The following TPCN1 variants were observed in gnomAD, a reference collection of about 807,000 sequenced individuals.
The protein encoded by TPCN1 is two pore segment channel 1, also known as two pore channel protein 1.
TPCN1 carries 52 observed loss-of-function variants against 108.8 expected under a neutral mutation model. The ratio of observed to expected loss-of-function variants is 0.48; its 90% confidence interval spans 0.38 to 0.60. The LOEUF is 0.60. Among genes scored for constraint, TPCN1 ranks in the 20% least tolerant of loss-of-function variants. The probability of loss-of-function intolerance (pLI) is 0.00; values close to 1 mark genes in which losing one functional copy is unlikely to be tolerated. For synonymous variants in TPCN1, 446 were observed against 433.7 expected (o/e 1.03, Z -0.35); for missense variants, 806 against 1,072.8 (o/e 0.75, Z 3.47).
chr12:113,275,340 C>T (rs1409517481), intron 10 of TPCN1, among the ~76,000 whole-genome samples: 2 of 151,968 alleles, frequency 1.3e-5, no homozygotes, highest in Admixed American at 6.6e-5. Flanking sequence ...CAGGTTCAAG[C>T]GATTCTCCTG....
intron 15 of TPCN1, chr12:113,280,461 T>C (rs1017045587): frequency 7.0e-5 from 28 of 402,368 alleles, no homozygotes; most frequent in African/African-American, 5.4e-4. Flanking sequence ...GACTGGTCGA[T>C]ATGTCTCTTG....
chr12:113,288,073 G>A lies in TPCN1; in HGVS notation c.1635-90G>A, dbSNP rs1956143470. 5 of 1,292,570 alleles carry A rather than the reference G, an allele frequency of 3.9e-6. No homozygotes were observed. Among genetic ancestry groups the A allele is most frequent in the Non-Finnish European group, 4.4e-6 (4 of 912,828 alleles). 80.1% of individuals were successfully genotyped at this position (1,292,570 alleles called of 1,614,324 possible). ...AGGCCCTCACCTGTCTTCACCGCAT[G>A]GCGTGTGGAAGGCGGGGCCGGCATG... On this transcript the variant is annotated intron_variant, in intron 19 of 27. Coordinates refer to ENST00000335509, the MANE Select transcript of TPCN1 (RefSeq NM_017901.6). This position sits in a 1 kb window ranked among gnomAD's most constrained non-coding sequence, Gnocchi z 4.8.
intron 1 of TPCN1, 135 bp from the exon 2 acceptor site, chr12:113,226,593 T>G: frequency 2.6e-6 from 2 of 784,190 alleles, no homozygotes; most frequent in Non-Finnish European, 4.0e-6. Flanking sequence ...AGTTCACCAT[T>G]TTAAAGAGTA....
Position 113,291,612 on chromosome 12 carries a change from G to C in TPCN1, c.1963G>C (p.Gly655Arg). 1 of 1,612,490 alleles carries C rather than the reference G, an allele frequency of 6.2e-7. No homozygotes were observed. The change falls in exon 24 of 28, where the codon GGC becomes CGC. Residue 655 changes from glycine (G) to arginine (R), a missense_variant. By Grantham distance (125) the Gly-to-Arg change is moderately radical. Transcript: ENST00000335509. ...GGCTGCTTCCCTTGGTCTCCAGGAA[G>C]GCGTCACCTCTCAGACCTCCCACTG... ...VVNNWYIIME[G>R]VTSQTSHWSR... is the part of the protein sequence containing the mutation.
In TPCN1 at chr12:113,269,781, C is replaced by T. The variant is rs61741113; in HGVS notation, c.684C>T (p.Ser228=). The T allele has an allele frequency of 9.2e-4, 1,488 of 1,613,880 alleles. 19 individuals are homozygous for T. In the African/African-American group the frequency reaches 0.018, roughly 19 times the overall value. ...VRRNLRQIFQ[S]LPPFMDILLL... ...GCAACCTGCGGCAGATCTTCCAGTC[C>T]CTGCCGCCCTTCATGGACATCCTCC... is the stretch of plus-strand genomic sequence containing the variant. Residue 228 remains serine (S), a synonymous_variant, in exon 7 of 28, where the codon TCC becomes TCT. Transcript: ENST00000335509. This position sits in a 1 kb window ranked among gnomAD's most constrained non-coding sequence, Gnocchi z 5.0.
At chr12:113,281,952 T>TCTCA (rs1358799602) in intron 15 of TPCN1, among the ~76,000 whole-genome samples, 1 of 147,192 alleles carries the variant, frequency 6.8e-6, no homozygotes, top group African/African-American at 2.5e-5. Context: ...TCTCACTCTA[T>TCTCA]CTCTGTCACC....
chr12:113,272,111 CG>C lies in TPCN1; in HGVS notation c.749-542del, dbSNP rs1566180125. Among the ~76,000 whole-genome samples the C allele has an allele frequency of 6.6e-6, 1 of 152,184 alleles. No homozygotes were observed. Among genetic ancestry groups the C allele is most frequent in the Non-Finnish European group, 1.5e-5 (1 of 68,038 alleles). ...TGGTAGAATTTTGTTTGTGCTTCTC[CG>C]GGGGTAGGGGCTGATTTCCCCTGAG... On this transcript the variant is annotated intron_variant, in intron 7 of 27. Coordinates refer to ENST00000335509, the MANE Select transcript of TPCN1 (RefSeq NM_017901.6). This position sits in a 1 kb window ranked among gnomAD's most constrained non-coding sequence, Gnocchi z 4.1.
Position 113,293,070 on chromosome 12 carries a change from C to T in TPCN1, c.2250C>T (p.Tyr750=), listed in dbSNP as rs1318430950. The T allele has an allele frequency of 1.9e-6, 3 of 1,611,170 alleles. No individual in the cohort carries two copies. The highest frequency in any genetic ancestry group is 2.2e-5 in the South Asian group (2 of 90,902). The part of the protein sequence containing the change: ...LLETLSQMER[Y]QQHSMVFLGR... ...AGACCCTCTCCCAGATGGAGAGATA[C>T]CAGGTGAGGAGCCCAGGCCCTGGTC... The change falls in exon 26 of 28, where the codon TAC becomes TAT. Residue 750 remains tyrosine (Y), a synonymous_variant. Transcript: ENST00000335509.
Position 113,273,731 on chromosome 12 carries a change from C to CTG in TPCN1, c.942+66_942+67dup. On this transcript the variant is annotated intron_variant, in intron 10 of 27. Transcript: ENST00000335509. This position sits in a 1 kb window ranked among gnomAD's most constrained non-coding sequence, Gnocchi z 4.0. ...GCCCCTACCCATGCAGCACTAGGCA[C>CTG]TGTGGGAGTGGAGAAGTGGGGACTG... is the stretch of plus-strand genomic sequence containing the variant. The CTG allele has an allele frequency of 7.6e-7, 1 of 1,309,130 alleles. No individual in the cohort carries two copies. The allele number at this position is 1,309,130 out of a possible 1,614,324, so 81.1% of individuals were successfully genotyped here. A position where few individuals can be genotyped will look rare whatever the true frequency, so the allele number is the denominator to read the frequency against.
intron 2 of TPCN1, among the ~76,000 whole-genome samples, chr12:113,242,857 C>T (rs967432090): frequency 6.6e-6 from 1 of 152,188 alleles, no homozygotes; most frequent in African/African-American, 2.4e-5. Context: ...GCCACCAGCC[C>T]CCACGGAGGG....
intron 2 of TPCN1, among the ~76,000 whole-genome samples, chr12:113,235,724 G>A (rs2136457499): frequency 6.6e-6 from 1 of 152,158 alleles, no homozygotes; most frequent in South Asian, 2.1e-4. Context: ...CTGCTTTTGT[G>A]GTGTATAACT....
chr12:113,260,367 G>C lies in TPCN1; in HGVS notation c.113-1G>C, dbSNP rs1954982175. On this transcript the variant is annotated splice_acceptor_variant, in intron 2 of 27. Coordinates refer to ENST00000335509, the MANE Select transcript of TPCN1 (RefSeq NM_017901.6). LOFTEE classifies it high-confidence loss of function. The stretch of plus-strand genomic sequence containing the variant: ...TGAATCTCTCTCCTCTTCCAATGCA[G>C]ATGGCGGCAGCTATGCCATCCACGA... 1 of 1,494,268 alleles carries C rather than the reference G, an allele frequency of 6.7e-7. No individual in the cohort carries two copies. Among genetic ancestry groups the C allele is most frequent in the Non-Finnish European group, 8.9e-7 (1 of 1,124,904 alleles). The allele number at this position is 1,494,268 out of a possible 1,614,324, so 92.6% of individuals were successfully genotyped here.
At chr12:113,262,437 A>T (rs1955079318) in intron 3 of TPCN1, among the ~76,000 whole-genome samples, 2 of 152,188 alleles carry the variant, frequency 1.3e-5, no homozygotes, top group South Asian at 4.2e-4. Flanking sequence ...AGATTTAATG[A>T]AATTTAGACA....
intron 15 of TPCN1, among the ~76,000 whole-genome samples, chr12:113,283,686 C>G (rs1240154729): frequency 6.6e-6 from 1 of 152,064 alleles, no homozygotes; most frequent in Non-Finnish European, 1.5e-5. Context: ...TCTTTCTTCT[C>G]TCTTAGAGAG....
Position 113,260,381 on chromosome 12 carries a change from T to C in TPCN1, c.126T>C (p.Tyr42=). The change falls in exon 3 of 28, where the codon TAT becomes TAC. Residue 42 remains tyrosine, a synonymous_variant. Coordinates refer to ENST00000335509, the MANE Select transcript of TPCN1 (RefSeq NM_017901.6). ...CTTCCAATGCAGATGGCGGCAGCTA[T>C]GCCATCCACGACTCCCAGGCCCCCA... ...EELPSKNGGS[Y]AIHDSQAPSL... 6.7e-7 allele frequency: 1 copy of C among 1,501,978 alleles called. No individual in the cohort carries two copies. Among genetic ancestry groups the C allele is most frequent in the Non-Finnish European group, 8.9e-7 (1 of 1,129,140 alleles). The allele number at this position is 1,501,978 out of a possible 1,614,324, so 93.0% of individuals were successfully genotyped here.
chr12:113,236,501 C>T (rs183189047), intron 2 of TPCN1, among the ~76,000 whole-genome samples: 1 of 151,778 alleles, frequency 6.6e-6, no homozygotes, highest in Non-Finnish European at 1.5e-5. Context: ...GGAGAGGGAC[C>T]GAACATCCCA....
intron 2 of TPCN1, among the ~76,000 whole-genome samples, chr12:113,257,702 G>T (rs903410925): frequency 1.4e-4 from 21 of 152,124 alleles, no homozygotes; most frequent in Non-Finnish European, 2.8e-4. Flanking sequence ...TCCACACAAA[G>T]CCCTGAATGA....
chr12:113,224,900 G>A (rs915032614), intron 1 of TPCN1, among the ~76,000 whole-genome samples: 30 of 152,052 alleles, frequency 2.0e-4, no homozygotes, highest in African/African-American at 7.2e-4. Context: ...ACAGGCGCAA[G>A]CCACCACACC....
intron 14 of TPCN1, 22 bp from the exon 15 acceptor site, chr12:113,280,129 A>C (rs767192301): frequency 6.3e-7 from 1 of 1,576,820 alleles, no homozygotes; most frequent in African/African-American, 1.3e-5. Context: ...TTTACATTTT[A>C]ACTTGTCTTT....
Sources: allele counts gnomAD v4.1 joint callset (sites outside exome capture counted in the v4.1 genomes callset), GRCh38; gene constraint gnomAD v4.1.1; non-coding constraint Gnocchi (gnomAD v3.1); transcripts MANE v1.5; gene names NCBI Gene and HGNC (gene_info 2026-07-23, HGNC 2026-07-21).